Variants in RALGAPA2 observed in about 807,000 individuals in gnomAD.
RALGAPA2 encodes Ral GTPase activating protein catalytic subunit alpha 2.
A neutral mutation model predicts 230.4 loss-of-function variants in RALGAPA2; 139 were observed. The observed-to-expected ratio is 0.60, with a 90% CI of 0.53 to 0.69. RALGAPA2 has a LOEUF of 0.69. Ranked by LOEUF, RALGAPA2 falls within the 30% of genes least tolerant of loss-of-function variation. The pLI, the probability that RALGAPA2 is intolerant of heterozygous loss-of-function variation, is 0.00. For synonymous variants in RALGAPA2, 847 were observed against 837.8 expected (o/e 1.01, Z -0.19); for missense variants, 2,163 against 2,276.0 (o/e 0.95, Z 1.01).
intron 31 of RALGAPA2, among the ~76,000 whole-genome samples, chr20:20,519,289 T>C (rs1478355339): frequency 6.6e-6 from 1 of 152,204 alleles, no homozygotes; most frequent in African/African-American, 2.4e-5. Flanking sequence ...AAGCCCTTGC[T>C]CATGACTGTC....
At chr20:20,482,451 G>T (rs2061801225) in intron 36 of RALGAPA2, among the ~76,000 whole-genome samples, 1 of 152,158 alleles carries the variant, frequency 6.6e-6, no homozygotes, top group Non-Finnish European at 1.5e-5. Context: ...GTGGGTGTTG[G>T]CAGAGATTCA....
rs749458611 is a variant in RALGAPA2 at position 20,512,573 on chromosome 20, C to G, written c.4796G>C (p.Gly1599Ala). 3 of 1,613,512 alleles carry G rather than the reference C, an allele frequency of 1.9e-6. No homozygotes were observed. The South Asian group carries it at 3.3e-5, about 18-fold the overall frequency. Residue 1599 changes from glycine (G) to alanine (A), a missense_variant, in exon 32 of 40, where the codon GGA (glycine) becomes GCA (alanine). By Grantham distance (60) the Gly-to-Ala change is moderately conservative. Transcript: ENST00000202677. ...QGQPSPVEPR[G>A]PFYFCRLLLD... ...CAATAACCTGCAGAAATAAAAGGGT[C>G]CTCGGGGCTCCACTGGGGAGGGCTG...
chr20:20,505,293 A>G lies in RALGAPA2; in HGVS notation c.5052+118T>C, dbSNP rs1013054447. 4 of 1,249,638 alleles carry G rather than the reference A, an allele frequency of 3.2e-6. No individual in the cohort carries two copies. The African/African-American group carries it at 6.3e-5, about 20-fold the overall frequency. 77.4% of individuals were successfully genotyped at this position (1,249,638 alleles called of 1,614,324 possible). On this transcript the variant is annotated intron_variant, in intron 34 of 39. Coordinates refer to ENST00000202677, the MANE Select transcript of RALGAPA2 (RefSeq NM_020343.4). ...ATCCAATAAATTCTTCAATTCCAGA[A>G]CTCTATCTATGCTATATTTGAATGC...
In RALGAPA2 at chr20:20,602,813, C is replaced by CGTGTGT. The variant is rs35087554; in HGVS notation, c.2039-973_2039-968dup. On this transcript the variant is annotated intron_variant, in intron 15 of 39. Transcript: ENST00000202677. ...GAAGAGAATCTTGCAGAATGGCAGG[C>CGTGTGT]GTGTGTGTGTGTGTGTGTGTGTGTG... 4.1e-3 allele frequency among the ~76,000 whole-genome samples: 605 copies of CGTGTGT among 147,770 alleles called. 4 individuals are homozygous for CGTGTGT. Among genetic ancestry groups the CGTGTGT allele is most frequent in the African/African-American group, 0.013 (542 of 40,196 alleles).
Position 20,680,599 on chromosome 20 carries a change from A to T in RALGAPA2, c.217+92T>A, listed in dbSNP as rs2068484158. 5.0e-6 allele frequency: 7 copies of T among 1,407,296 alleles called. No homozygotes were observed. In the South Asian group the frequency reaches 1.1e-4, roughly 23 times the overall value. 87.2% of individuals were successfully genotyped at this position (1,407,296 alleles called of 1,614,324 possible). A position where few individuals can be genotyped will look rare whatever the true frequency, so the allele number is the denominator to read the frequency against. On this transcript the variant is annotated intron_variant, in intron 2 of 39. Transcript: ENST00000202677. ...TTTGCTAAAGGCTTGGCAAGAAAGA[A>T]AGCTTAAAAATGTATAATTTGTGGC... is the stretch of plus-strand genomic sequence containing the variant.
chr20:20,539,067 A>C (rs2063571385), intron 24 of RALGAPA2, among the ~76,000 whole-genome samples: 1 of 152,118 alleles, frequency 6.6e-6, no homozygotes, highest in Admixed American at 6.6e-5. Flanking sequence ...TTATGTACAC[A>C]CTATAATTTA....
intron 36 of RALGAPA2, among the ~76,000 whole-genome samples, chr20:20,494,607 G>A (rs1352129560): frequency 2.0e-5 from 3 of 152,168 alleles, no homozygotes; most frequent in African/African-American, 4.8e-5. Flanking sequence ...AACTCATCAC[G>A]TGGGCCGTGC....
intron 25 of RALGAPA2, 92 bp from the exon 26 acceptor site, chr20:20,535,895 G>C: frequency 6.9e-7 from 1 of 1,456,478 alleles, no homozygotes; most frequent in East Asian, 2.6e-5. Context: ...AGGAGCTACT[G>C]AAGTTCGACC....
At chr20:20,531,857 T>C in intron 26 of RALGAPA2, 62 bp from the exon 27 acceptor site, 1 of 1,248,600 alleles carries the variant, frequency 8.0e-7, no homozygotes, top group Admixed American at 2.0e-5. Context: ...TTCTCAGTAT[T>C]TTCAAATAAC....
At chr20:20,394,910 AG>A (rs1488023889) in intron 39 of RALGAPA2, among the ~76,000 whole-genome samples, 5 of 149,754 alleles carry the variant, frequency 3.3e-5, no homozygotes, top group African/African-American at 9.8e-5. Context: ...AAAAAAAAAA[AG>A]GCAAGTAAAT....
chr20:20,450,642 C>T (rs578111550), intron 37 of RALGAPA2, among the ~76,000 whole-genome samples: 21 of 152,248 alleles, frequency 1.4e-4, no homozygotes, highest in African/African-American at 4.6e-4. Flanking sequence ...CCAGCTTCCT[C>T]GAGCTTCACT....
chr20:20,456,861 T>C (rs1284943421), intron 37 of RALGAPA2, among the ~76,000 whole-genome samples: 1 of 152,042 alleles, frequency 6.6e-6, no homozygotes, highest in African/African-American at 2.4e-5. Flanking sequence ...AGTGACAGTG[T>C]CTGCAGGCTA....
intron 37 of RALGAPA2, among the ~76,000 whole-genome samples, chr20:20,427,728 T>C: frequency 6.6e-6 from 1 of 152,066 alleles, no homozygotes; most frequent in East Asian, 1.9e-4. Context: ...AGGAAAGCAA[T>C]TTTCTATTGA....
chr20:20,656,384 A>G (rs1256928022), intron 3 of RALGAPA2, among the ~76,000 whole-genome samples: 1 of 152,268 alleles, frequency 6.6e-6, no homozygotes, highest in Non-Finnish European at 1.5e-5. Context: ...GTCACATAAC[A>G]GAATGACTTC....
chr20:20,681,561 CT>C (rs1285161366), intron 1 of RALGAPA2, among the ~76,000 whole-genome samples: 8 of 152,168 alleles, frequency 5.3e-5, no homozygotes, highest in African/African-American at 1.7e-4. Flanking sequence ...ATGCTGGGGG[CT>C]CAAAGTAGTT....
Position 20,635,630 on chromosome 20 carries a change from A to G in RALGAPA2, c.806-13T>C. 1 of 1,503,778 alleles carries G rather than the reference A, an allele frequency of 6.6e-7. No homozygotes were observed. Among genetic ancestry groups the G allele is most frequent in the Non-Finnish European group, 8.9e-7 (1 of 1,117,496 alleles). The allele number at this position is 1,503,778 out of a possible 1,614,324, so 93.2% of individuals were successfully genotyped here. On this transcript the variant is annotated splice_polypyrimidine_tract_variant and intron_variant, in intron 8 of 39. Coordinates refer to ENST00000202677, the MANE Select transcript of RALGAPA2 (RefSeq NM_020343.4). The stretch of plus-strand genomic sequence containing the variant: ...AAATGGGGGATGTCTGGTAGAAGAA[A>G]GAACACATGATTGATTAGGTTAATA...
At chr20:20,663,339 A>C (rs908916331) in intron 3 of RALGAPA2, among the ~76,000 whole-genome samples, 1 of 152,088 alleles carries the variant, frequency 6.6e-6, no homozygotes, top group African/African-American at 2.4e-5. Flanking sequence ...ATGTTTCAAG[A>C]CTCCCAAGGG....
At position 20,636,590 on chromosome 20, in the gene RALGAPA2, A is replaced by T. The variant is rs564896288; in HGVS notation, c.805+773T>A. On this transcript the variant is annotated intron_variant, in intron 8 of 39. Transcript: ENST00000202677. ...TGTGTGTGTGTGTGTGTGTACGCAT[A>T]CATAGAAACACACAGAGTACAGACA... Among the ~76,000 whole-genome samples, 5 of 152,110 alleles carry T rather than the reference A, an allele frequency of 3.3e-5. No individual in the cohort carries two copies. The East Asian group carries it at 5.8e-4, about 18-fold the overall frequency.
In RALGAPA2 at chr20:20,540,345, C is replaced by T. The variant is rs144672802; in HGVS notation, c.3286-3561G>A. 7.2e-3 allele frequency among the ~76,000 whole-genome samples: 1,089 copies of T among 152,296 alleles called. 6 individuals carry two copies. Among genetic ancestry groups the T allele is most frequent in the Non-Finnish European group, 9.0e-3 (615 of 68,032 alleles). On this transcript the variant is annotated intron_variant, in intron 24 of 39. Coordinates refer to ENST00000202677, the MANE Select transcript of RALGAPA2 (RefSeq NM_020343.4). The stretch of plus-strand genomic sequence containing the variant: ...AATATTTGAAAACAGAATTAAAAAT[C>T]GATTCATGGCTGTAACATTTATTCC...
Sources: gnomAD v4.1 joint callset for allele counts (sites outside exome capture counted in the v4.1 genomes callset) on GRCh38, gnomAD v4.1.1 for gene constraint, MANE v1.5 for transcripts, NCBI Gene and HGNC (gene_info 2026-07-23, HGNC 2026-07-21) for gene names.